RBMS3: variants seen among roughly 807,000 people sequenced by gnomAD.
RBMS3 encodes RNA-binding motif, single-stranded-interacting protein 3.
A neutral mutation model predicts 66.8 loss-of-function variants in RBMS3; 27 were observed. That is an observed-to-expected ratio of 0.40 (90% CI 0.30 to 0.56). The LOEUF (loss-of-function observed/expected upper bound fraction) is 0.56. Among genes scored for constraint, RBMS3 ranks in the 20% least tolerant of loss-of-function variants. RBMS3 has a pLI of 0.40. For synonymous variants in RBMS3, 188 were observed against 183.0 expected, an observed-to-expected ratio of 1.03 and a Z score of -0.22; for missense variants, 513 against 549.5, an observed-to-expected ratio of 0.93 and a Z score of 0.66.
chr3:29,496,439 G>A (rs2043756635), intron 3 of RBMS3, among the ~76,000 whole-genome samples: 1 of 152,110 alleles, frequency 6.6e-6, no homozygotes, highest in Admixed American at 6.5e-5. Context: ...AGCATATGCA[G>A]GAACTTTGGA....
intron 2 of RBMS3, among the ~76,000 whole-genome samples, chr3:29,470,996 G>C (rs1302885210): frequency 6.6e-6 from 1 of 152,098 alleles, no homozygotes; most frequent in Non-Finnish European, 1.5e-5. Context: ...AGTACTAATA[G>C]ATATTTATAT....
intron 14 of RBMS3, among the ~76,000 whole-genome samples, chr3:29,993,805 G>T (rs1014902249): frequency 6.6e-6 from 1 of 152,200 alleles, no homozygotes; most frequent in South Asian, 2.1e-4. Flanking sequence ...GAATTACACT[G>T]TTGGCTCTCC....
intron 2 of RBMS3, among the ~76,000 whole-genome samples, chr3:29,450,120 A>T (rs773210767): frequency 1.3e-5 from 2 of 152,216 alleles, no homozygotes; most frequent in Non-Finnish European, 2.9e-5. Flanking sequence ...AACATGGCCA[A>T]GGGGAGAATG....
intron 1 of RBMS3, among the ~76,000 whole-genome samples, chr3:29,347,177 T>A (rs2125549925): frequency 6.6e-6 from 1 of 152,328 alleles, no homozygotes; most frequent in Admixed American, 6.5e-5. Context: ...TCATGCCAAT[T>A]CCTGTCATTT....
intron 6 of RBMS3, among the ~76,000 whole-genome samples, chr3:29,799,196 T>TAACA (rs1482533918): frequency 1.3e-5 from 2 of 152,204 alleles, no homozygotes; most frequent in Non-Finnish European, 2.9e-5. Flanking sequence ...AAGAAATTTC[T>TAACA]AACACAGATG....
intron 4 of RBMS3, among the ~76,000 whole-genome samples, chr3:29,712,151 G>T (rs1317790574): frequency 6.6e-6 from 1 of 152,112 alleles, no homozygotes; most frequent in Non-Finnish European, 1.5e-5. Flanking sequence ...TTTCCAAAAT[G>T]AGATTTATAA....
intron 1 of RBMS3, among the ~76,000 whole-genome samples, chr3:29,385,951 C>G (rs1270352538): frequency 6.6e-6 from 1 of 152,012 alleles, no homozygotes; most frequent in Admixed American, 6.5e-5. Flanking sequence ...GCTCATTTTC[C>G]TCATGTCCCA....
At chr3:29,614,887 TTACTC>T (rs568375344) in intron 4 of RBMS3, 10 of 152,200 alleles carry the variant, frequency 6.6e-5, no homozygotes, top group South Asian at 2.1e-4. Flanking sequence ...ACGTAACTGT[TTACTC>T]TATAAGGGAG....
rs149399570 is a variant in RBMS3 at position 29,789,181 on chromosome 3, A to G, written c.637+26192A>G. On this transcript the variant is annotated intron_variant, in intron 6 of 14. Coordinates refer to ENST00000383767, the MANE Select transcript of RBMS3 (RefSeq NM_001003793.3). ...TCATGATGTATTTTTTTTGCCATTT[A>G]GATTTTTTAAAATAATGTCCTTTAA... Among the ~76,000 whole-genome samples the G allele has an allele frequency of 3.2e-3, 481 of 152,150 alleles. 2 individuals are homozygous for G. The highest frequency in any genetic ancestry group is 0.011 in the African/African-American group (442 of 41,536).
At chr3:29,337,758 A>G (rs999646855) in intron 1 of RBMS3, among the ~76,000 whole-genome samples, 1 of 152,200 alleles carries the variant, frequency 6.6e-6, no homozygotes, top group Non-Finnish European at 1.5e-5. Context: ...TAATACAACC[A>G]TCTGATAAAG....
intron 1 of RBMS3, among the ~76,000 whole-genome samples, chr3:29,335,778 A>G (rs1433496824): frequency 6.6e-6 from 1 of 152,106 alleles, no homozygotes; most frequent in African/African-American, 2.4e-5. Context: ...AAAGAGACTA[A>G]AAGATACATT....
At chr3:29,480,850 A>G (rs762560049) in intron 2 of RBMS3, among the ~76,000 whole-genome samples, 11 of 152,210 alleles carry the variant, frequency 7.2e-5, no homozygotes, top group African/African-American at 1.4e-4. Context: ...TCAGAGAAAT[A>G]TAGGTGATAG....
intron 4 of RBMS3, among the ~76,000 whole-genome samples, chr3:29,636,536 CTTGTT>C (rs1174069545): frequency 3.9e-5 from 6 of 151,900 alleles, no homozygotes; most frequent in Admixed American, 2.0e-4. Flanking sequence ...GTTATTTTGT[CTTGTT>C]TTGTTTTGGC....
chr3:29,942,581 T>G (rs1407376361), intron 11 of RBMS3, among the ~76,000 whole-genome samples: 1 of 151,708 alleles, frequency 6.6e-6, no homozygotes, highest in Non-Finnish European at 1.5e-5. Context: ...TTTGCATGTG[T>G]GGAGTTCAGT....
chr3:29,607,569 T>C (rs2048355513), intron 4 of RBMS3, among the ~76,000 whole-genome samples: 2 of 151,986 alleles, frequency 1.3e-5, no homozygotes, highest in Non-Finnish European at 2.9e-5. Context: ...AATAAGCATT[T>C]TGGGGGGATG....
intron 1 of RBMS3, among the ~76,000 whole-genome samples, chr3:29,371,356 A>T (rs80159025): frequency 0.026 from 3,956 of 152,316 alleles, 184 homozygotes; most frequent in African/African-American, 0.09. Context: ...AGCCTGGGAA[A>T]TTCCTAGTGT....
intron 3 of RBMS3, among the ~76,000 whole-genome samples, chr3:29,568,847 G>A (rs1451439960): frequency 6.6e-6 from 1 of 152,176 alleles, no homozygotes; most frequent in Non-Finnish European, 1.5e-5. Flanking sequence ...ATCCAATAGA[G>A]GTTCAAGAAG....
intron 1 of RBMS3, among the ~76,000 whole-genome samples, chr3:29,309,434 G>T (rs533144366): frequency 6.6e-6 from 1 of 151,746 alleles, no homozygotes; most frequent in Non-Finnish European, 1.5e-5. Context: ...GGGCGTATTT[G>T]TATCATAATG....
intron 4 of RBMS3, among the ~76,000 whole-genome samples, chr3:29,589,620 T>C (rs764262008): frequency 6.6e-6 from 1 of 152,130 alleles, no homozygotes; most frequent in Non-Finnish European, 1.5e-5. Context: ...TGACCACCAC[T>C]GTATTAGCAG....
Sources: allele counts gnomAD v4.1 joint callset (sites outside exome capture counted in the v4.1 genomes callset), GRCh38; gene constraint gnomAD v4.1.1; transcripts MANE v1.5; gene names NCBI Gene and HGNC (gene_info 2026-07-23, HGNC 2026-07-21).